The following DLGAP5 variants were observed in gnomAD, a reference collection of about 807,000 sequenced individuals.
DLGAP5 encodes DLG associated protein 5.
A neutral mutation model predicts 99.6 loss-of-function variants in DLGAP5; 90 were observed. That is an observed-to-expected ratio of 0.90 (90% CI 0.76 to 1.08). DLGAP5 has a LOEUF of 1.08. Ranked by LOEUF, DLGAP5 falls within the 50% of genes least tolerant of loss-of-function variation. The pLI is 0.00. For synonymous variants in DLGAP5, 311 were observed against 321.3 expected (o/e 0.97, Z 0.34); for missense variants, 1,036 against 983.5 (o/e 1.05, Z -0.71).
chr14:55,163,484 T>C (rs1882517609), intron 12 of DLGAP5, among the ~76,000 whole-genome samples: 1 of 152,242 alleles, frequency 6.6e-6, no homozygotes, highest in South Asian at 2.1e-4. Flanking sequence ...AGCTGCTATA[T>C]TGCTAAAAAC....
rs548238849 is a variant in DLGAP5, at chr14:55,156,159, T to G, written c.1874-1353A>C. 2.0e-5 allele frequency among the ~76,000 whole-genome samples: 3 copies of G among 151,660 alleles called. No homozygotes were observed. The East Asian group carries it at 5.8e-4, about 29-fold the overall frequency. ...CCACATAACCCCTCAAAAGAACTGG[T>G]GGCTCCAAGTATCTCTGCAAGTGGA... On this transcript the variant is annotated intron_variant, in intron 14 of 18. Coordinates refer to ENST00000247191, the MANE Select transcript of DLGAP5 (RefSeq NM_014750.5).
intron 10 of DLGAP5, among the ~76,000 whole-genome samples, chr14:55,173,834 G>A (rs1882957297): frequency 6.7e-6 from 1 of 149,270 alleles, no homozygotes; most frequent in African/African-American, 2.6e-5. Flanking sequence ...GATTTCCTAT[G>A]CCTGTCTTTA....
chr14:55,163,127 T>A, intron 12 of DLGAP5, 52 bp from the exon 13 acceptor site: 2 of 1,157,046 alleles, frequency 1.7e-6, no homozygotes, highest in Non-Finnish European at 2.4e-6. Flanking sequence ...ATTAAAGTTA[T>A]AAACGAATGA....
chr14:55,167,352 G>A (rs1882681356), intron 12 of DLGAP5, among the ~76,000 whole-genome samples: 1 of 151,276 alleles, frequency 6.6e-6, no homozygotes, highest in African/African-American at 2.4e-5. Flanking sequence ...CTAACAATCA[G>A]AATTGAAGGG....
At chr14:55,173,053 A>G in intron 10 of DLGAP5, among the ~76,000 whole-genome samples, 1 of 151,356 alleles carries the variant, frequency 6.6e-6, no homozygotes, top group African/African-American at 2.4e-5. Context: ...AGTTAGGTAG[A>G]TTGCTTAATA....
intron 1 of DLGAP5, among the ~76,000 whole-genome samples, chr14:55,189,910 GA>G (rs1157115149): frequency 6.6e-6 from 1 of 152,124 alleles, no homozygotes; most frequent in Non-Finnish European, 1.5e-5. Context: ...AGGTGGGGCT[GA>G]AAATGCCAAC....
Position 55,151,679 on chromosome 14 carries a change from A to C in DLGAP5, c.2368+16T>G. ...CTTTAATAAAGGCTCGTTTAAATATATTTTAAATATCTCACCTGACTGAGA... is the reference window on the plus strand; with the variant it reads ...CTTTAATAAAGGCTCGTTTAAATATCTTTTAAATATCTCACCTGACTGAGA... On this transcript the variant is annotated intron_variant, in intron 17 of 18. Coordinates refer to ENST00000247191, the MANE Select transcript of DLGAP5 (RefSeq NM_014750.5). 3.1e-6 allele frequency: 5 copies of C among 1,604,840 alleles called. No homozygotes were observed. Among genetic ancestry groups the C allele is most frequent in the Non-Finnish European group, 4.2e-6 (5 of 1,176,664 alleles).
chr14:55,153,398 G>A (rs972211447), intron 15 of DLGAP5, among the ~76,000 whole-genome samples: 7 of 151,934 alleles, frequency 4.6e-5, no homozygotes. Flanking sequence ...AAAATTAGCT[G>A]GGCGTGGTGA....
chr14:55,183,692 T>C lies in DLGAP5; in HGVS notation c.300A>G (p.Glu100=), dbSNP rs767889903. 2.5e-6 allele frequency: 4 copies of C among 1,611,316 alleles called. No homozygotes were observed. The African/African-American group carries it at 5.4e-5, about 22-fold the overall frequency. Reference sequence around the variant, plus strand: ...GCTCTTTCAATTTTTGAAGTTGCTTTTCTTCTTTGTATTTTTGGAGCATCT... The same window carrying C: ...GCTCTTTCAATTTTTGAAGTTGCTTCTCTTCTTTGTATTTTTGGAGCATCT... ...RKQMLQKYKE[E]KQLQKLKEQR... is the part of the protein sequence containing the mutation. The change falls in exon 3 of 19, where the codon GAA becomes GAG. Residue 100 remains glutamate (E), a synonymous_variant. Coordinates refer to ENST00000247191, the MANE Select transcript of DLGAP5 (RefSeq NM_014750.5).
At chr14:55,152,012 G>T (rs955140327) in intron 16 of DLGAP5, 71 bp from the exon 17 acceptor site, 23 of 1,453,044 alleles carry the variant, frequency 1.6e-5, no homozygotes, top group Admixed American at 2.0e-5. Flanking sequence ...AAGTCTTGTT[G>T]CTATTAAATA....
intron 12 of DLGAP5, among the ~76,000 whole-genome samples, chr14:55,165,922 T>G (rs1009316306): frequency 2.0e-5 from 3 of 152,192 alleles, no homozygotes; most frequent in Non-Finnish European, 4.4e-5. Context: ...AGTGAGGATG[T>G]CGAAAAACAG....
intron 6 of DLGAP5, 97 bp downstream of exon 6, chr14:55,180,559 C>T (rs775061594): frequency 3.5e-5 from 53 of 1,527,796 alleles, no homozygotes; most frequent in Non-Finnish European, 4.7e-5. Context: ...TCCTTCTCTC[C>T]TACTCAAAGA....
chr14:55,166,077 A>G (rs1349055980), intron 12 of DLGAP5, among the ~76,000 whole-genome samples: 3 of 152,238 alleles, frequency 2.0e-5, no homozygotes, highest in African/African-American at 7.2e-5. Flanking sequence ...TTAAAAAGAT[A>G]CATCCACACT....
In DLGAP5 at chr14:55,169,395, A is replaced by C; in HGVS notation, c.1548+4T>G. On this transcript the variant is annotated splice_donor_region_variant and intron_variant, in intron 12 of 18. Transcript: ENST00000247191. The stretch of plus-strand genomic sequence containing the variant: ...TAATATATTTGAAATATTGAACCAC[A>C]TACCTGAAAACTAACCATATCCCAA... 6.6e-7 allele frequency: 1 copy of C among 1,505,186 alleles called. No individual in the cohort carries two copies. The highest frequency in any genetic ancestry group is 8.8e-7 in the Non-Finnish European group (1 of 1,133,762). 93.2% of individuals were successfully genotyped at this position (1,505,186 alleles called of 1,614,324 possible).
intron 9 of DLGAP5, 47 bp downstream of exon 9, chr14:55,175,847 G>A (rs906382703): frequency 1.4e-6 from 2 of 1,444,740 alleles, no homozygotes; most frequent in African/African-American, 2.9e-5. Context: ...AATATTTTTT[G>A]TATTAACATT....
In DLGAP5 at chr14:55,172,362, A is replaced by G. The variant is rs116788799; in HGVS notation, c.1302-1575T>C. 8.6e-3 allele frequency among the ~76,000 whole-genome samples: 1,309 copies of G among 152,022 alleles called. 19 individuals are homozygous for G. The highest frequency in any genetic ancestry group is 0.029 in the African/African-American group (1,205 of 41,506). ...ATACAAAAAAAAAAAAAAGTATTTA[A>G]AAGATAAATGAAAATCACCTAACAT... On this transcript the variant is annotated intron_variant, in intron 10 of 18. Transcript: ENST00000247191.
chr14:55,186,508 C>T (rs1434993501), intron 2 of DLGAP5, among the ~76,000 whole-genome samples: 1 of 152,188 alleles, frequency 6.6e-6, no homozygotes, highest in South Asian at 2.1e-4. Context: ...AACAGATCCT[C>T]CTCCCCACTC....
intron 13 of DLGAP5, among the ~76,000 whole-genome samples, chr14:55,161,704 C>T (rs1450560665): frequency 6.6e-6 from 1 of 150,548 alleles, no homozygotes; most frequent in South Asian, 2.1e-4. Flanking sequence ...ACCACTGTGC[C>T]TGGCCTAGTA....
At chr14:55,190,289 T>TACACACACAC (rs142940996) in intron 1 of DLGAP5, among the ~76,000 whole-genome samples, 6,530 of 147,360 alleles carry the variant, frequency 0.044, 467 homozygotes, top group African/African-American at 0.15. Context: ...AGAAAAGCCA[T>TACACACACAC]ACACACACAC....
Sources: allele counts gnomAD v4.1 joint callset (sites outside exome capture counted in the v4.1 genomes callset), GRCh38; gene constraint gnomAD v4.1.1; transcripts MANE v1.5; gene names NCBI Gene and HGNC (gene_info 2026-07-23, HGNC 2026-07-21).